The following STARD9 variants were observed in gnomAD, a reference collection of about 807,000 sequenced individuals.
STARD9 encodes stAR-related lipid transfer protein 9.
In STARD9, 346 loss-of-function variants were observed where a neutral mutation model predicts 399.8. The observed-to-expected ratio is 0.87, with a 90% CI of 0.79 to 0.95. The LOEUF is 0.95. Among genes scored for constraint, STARD9 ranks in the 40% least tolerant of loss-of-function variants. STARD9 has a pLI of 0.00. For missense variants in STARD9, 5,832 were observed against 5,667.5 expected (o/e 1.03, Z -0.93); for synonymous variants, 2,203 against 2,143.5 (o/e 1.03, Z -0.77).
chr15:42,688,754 C>T lies in STARD9; in HGVS notation c.7176C>T (p.Pro2392=), dbSNP rs534425172. The T allele has an allele frequency of 1.0e-5, 16 of 1,537,626 alleles. No individual in the cohort carries two copies. Among genetic ancestry groups the T allele is most frequent in the Admixed American group, 5.9e-5 (3 of 50,994 alleles). The part of the protein sequence containing the change: ...DQSTETRSHS[P]EGNVRGRSSE... ...GTACGGAGACCAGAAGCCACAGCCC[C>T]GAAGGAAATGTTAGAGGGCGTTCCT... The change falls in exon 23 of 33, where the codon CCC becomes CCT. Residue 2392 remains proline, a synonymous_variant. Transcript: ENST00000290607.
In STARD9 at chr15:42,688,841, A is replaced by G. The variant is rs1283084753; in HGVS notation, c.7263A>G (p.Gln2421=). The G allele has an allele frequency of 2.0e-6, 3 of 1,537,298 alleles. No homozygotes were observed. The highest frequency in any genetic ancestry group is 1.4e-5 in the African/African-American group (1 of 73,136). The part of the protein sequence containing the change: ...VRSMAMGSHS[Q]SGVPESIPLG... ...CCATGGCCATGGGATCTCATAGTCA[A>G]TCTGGTGTACCAGAGAGCATTCCTC... Residue 2421 remains glutamine, a synonymous_variant, in exon 23 of 33, where the codon CAA becomes CAG. Transcript: ENST00000290607.
Position 42,686,176 on chromosome 15 carries a change from C to A in STARD9, c.4598C>A (p.Pro1533Gln), listed in dbSNP as rs2060551554. Reference sequence around the variant, plus strand: ...AGCAAAGGAGGAGATACTCTATTGCCAGTTGGCCCTAGGGTATCTAGCAAT... The same window carrying A: ...AGCAAAGGAGGAGATACTCTATTGCAAGTTGGCCCTAGGGTATCTAGCAAT... The part of the protein sequence containing the change: ...ASSKGGDTLL[P>Q]VGPRVSSNLN... Residue 1533 changes from proline (P) to glutamine (Q), a missense_variant, in exon 23 of 33, where the codon CCA becomes CAA. Coordinates refer to ENST00000290607, the MANE Select transcript of STARD9 (RefSeq NM_020759.3). 1.3e-6 allele frequency: 2 copies of A among 1,537,300 alleles called. No homozygotes were observed.
chr15:42,575,831 C>T, intron 1 of STARD9, 69 bp downstream of exon 1: 1 of 1,467,006 alleles, frequency 6.8e-7, no homozygotes, highest in Non-Finnish European at 9.2e-7. Context: ...TCCGCGTCTC[C>T]CCCTGCAGAG....
At chr15:42,581,634 G>C in intron 1 of STARD9, 1 of 627,580 alleles carries the variant, frequency 1.6e-6, no homozygotes, top group Non-Finnish European at 2.8e-6. Flanking sequence ...CTCCGCCCCT[G>C]CCGCCAGCCG....
chr15:42,655,126 G>GA (rs1264019758), intron 9 of STARD9, among the ~76,000 whole-genome samples: 1 of 151,956 alleles, frequency 6.6e-6, no homozygotes, highest in Non-Finnish European at 1.5e-5. Flanking sequence ...ACTAAAAATA[G>GA]AAAAAATTAG....
chr15:42,684,723 G>T lies in STARD9; in HGVS notation c.3145G>T (p.Ala1049Ser), dbSNP rs1365988040. 1 of 1,537,214 alleles carries T rather than the reference G, an allele frequency of 6.5e-7. No homozygotes were observed. The change falls in exon 23 of 33, where the codon GCA (alanine) becomes TCA (serine). Residue 1049 changes from alanine to serine, a missense_variant. Transcript: ENST00000290607. ...RASKRHQRVL[A>S]TRVRNITKKS... ...ATCAAAAAGGCATCAGAGGGTTCTG[G>T]CAACTAGGGTCAGAAATATTACCAA...
rs1566914009 is a variant in STARD9 at position 42,663,395 on chromosome 15, C to G, written c.983C>G (p.Ser328Cys). 2 of 1,537,296 alleles carry G rather than the reference C, an allele frequency of 1.3e-6. No homozygotes were observed. The highest frequency in any genetic ancestry group is 1.7e-6 in the Non-Finnish European group (2 of 1,146,910). ...GGGACCAGCAGTGGAGGGGCACCCT[C>G]CCGAAGGCAGTCTTATATCCCATAC... ...PSGTSSGGAPSRRQSYIPYRD... is the reference protein window; with the variant it reads ...PSGTSSGGAPCRRQSYIPYRD... Residue 328 changes from serine to cysteine, a missense_variant, in exon 12 of 33, where the codon TCC (serine) becomes TGC (cysteine). Coordinates refer to ENST00000290607, the MANE Select transcript of STARD9 (RefSeq NM_020759.3).
At chr15:42,578,331 A>G (rs1257649813) in intron 1 of STARD9, among the ~76,000 whole-genome samples, 1 of 151,966 alleles carries the variant, frequency 6.6e-6, no homozygotes, top group African/African-American at 2.4e-5. Flanking sequence ...GGCTGGTCTC[A>G]AACTCCTGAC....
chr15:42,626,366 T>TTCTTCCTCTTCCTCC (rs1555393272), intron 3 of STARD9, among the ~76,000 whole-genome samples: 5 of 144,216 alleles, frequency 3.5e-5, no homozygotes, highest in Non-Finnish European at 6.0e-5. Context: ...CCTCTTCCTC[T>TTCTTCCTCTTCCTCC]TCTTCCTCCT....
At position 42,588,791 on chromosome 15, in the gene STARD9, T is replaced by G. The variant is rs1311046670; in HGVS notation, c.234+3154T>G. Among the ~76,000 whole-genome samples the G allele has an allele frequency of 4.9e-3, 109 of 22,344 alleles. No homozygotes were observed. In the South Asian group the frequency reaches 0.11, roughly 22 times the overall value. The allele number at this position is 22,344 out of a possible 152,430, so 14.7% of individuals were successfully genotyped here. On this transcript the variant is annotated intron_variant, in intron 3 of 32. Coordinates refer to ENST00000290607, the MANE Select transcript of STARD9 (RefSeq NM_020759.3). ...TCTTCACAGCGTTTTTTTTTTTTTT[T>G]TTTTTTTTTTTTTTTTTTTTTTTTG...
chr15:42,695,389 G>A (rs2060821163), intron 25 of STARD9, 66 bp downstream of exon 25: 30 of 1,396,276 alleles, frequency 2.1e-5, no homozygotes, highest in Non-Finnish European at 2.6e-5. Flanking sequence ...CACCTTCACC[G>A]TGGCCGCCTC....
At position 42,624,319 on chromosome 15, in the gene STARD9, A is replaced by G. The variant is rs189285257; in HGVS notation, c.235-10537A>G. On this transcript the variant is annotated intron_variant, in intron 3 of 32. Coordinates refer to ENST00000290607, the MANE Select transcript of STARD9 (RefSeq NM_020759.3). ...TTAAGTTGTCTAAGCATAAACAGAA[A>G]AACACTATTTATGTCTATAATATAA... Among the ~76,000 whole-genome samples the G allele has an allele frequency of 7.4e-3, 1,120 of 152,240 alleles. 14 individuals are homozygous for G. Among genetic ancestry groups the G allele is most frequent in the African/African-American group, 0.026 (1,061 of 41,514 alleles).
rs1329135870 is a variant in STARD9, at chr15:42,691,272, C to T, written c.9694C>T (p.Pro3232Ser). The stretch of plus-strand genomic sequence containing the variant: ...AGAAGGCTTCGCCCAGGGTGTGAAT[C>T]CCCTTCCTGATGAAGATGGCTTAGA... Reference protein sequence around the residue: ...GGEGFAQGVNPLPDEDGLDGC... With the variant: ...GGEGFAQGVNSLPDEDGLDGC... The change falls in exon 23 of 33, where the codon CCC becomes TCC. Residue 3232 changes from proline to serine, a missense_variant. Physicochemically the swap from Pro to Ser is moderately conservative, Grantham distance 74. Coordinates refer to ENST00000290607, the MANE Select transcript of STARD9 (RefSeq NM_020759.3). 1 of 1,537,100 alleles carries T rather than the reference C, an allele frequency of 6.5e-7. No individual in the cohort carries two copies. The highest frequency in any genetic ancestry group is 2.4e-5 in the East Asian group (1 of 40,938).
intron 9 of STARD9, among the ~76,000 whole-genome samples, chr15:42,657,250 C>T: frequency 6.6e-6 from 1 of 151,614 alleles, no homozygotes; most frequent in East Asian, 1.9e-4. Flanking sequence ...GTCCCAGCTA[C>T]TCAGAAGGCT....
chr15:42,665,006 A>C (rs2060066084), intron 13 of STARD9, among the ~76,000 whole-genome samples: 1 of 152,126 alleles, frequency 6.6e-6, no homozygotes, highest in African/African-American at 2.4e-5. Context: ...GTTTGTTAGA[A>C]TGCTGCTGGG....
intron 3 of STARD9, among the ~76,000 whole-genome samples, chr15:42,607,088 C>T (rs1368458843): frequency 6.6e-6 from 1 of 151,280 alleles, no homozygotes; most frequent in East Asian, 1.9e-4. Flanking sequence ...GCTGGGACTA[C>T]AGGCATGTGC....
intron 3 of STARD9, among the ~76,000 whole-genome samples, chr15:42,619,937 C>G (rs898903615): frequency 6.6e-6 from 1 of 152,160 alleles, no homozygotes; most frequent in Non-Finnish European, 1.5e-5. Flanking sequence ...AAACGAGAGG[C>G]CTTTATTCAG....
Position 42,695,307 on chromosome 15 carries a change from T to C in STARD9, c.13130T>C (p.Ile4377Thr). 2 of 1,534,430 alleles carry C rather than the reference T, an allele frequency of 1.3e-6. No homozygotes were observed. Among genetic ancestry groups the C allele is most frequent in the Non-Finnish European group, 1.7e-6 (2 of 1,145,024 alleles). The part of the protein sequence containing the change: ...QEKLRIHQKI[I>T]SQLLKEEDKL... ...AAGCTGAGAATCCACCAGAAGATCA[T>C]TTCCCAGCTATTGAAGGTGTGGAGT... The change falls in exon 25 of 33, where the codon ATT becomes ACT. Residue 4377 changes from isoleucine to threonine, a missense_variant. Transcript: ENST00000290607.
intron 28 of STARD9, 53 bp downstream of exon 28, chr15:42,717,101 G>A: frequency 6.5e-7 from 1 of 1,528,494 alleles, no homozygotes; most frequent in Non-Finnish European, 8.8e-7. Flanking sequence ...GACCTCTGCT[G>A]GGTGTGCAGG....
Sources: allele counts gnomAD v4.1 joint callset (sites outside exome capture counted in the v4.1 genomes callset), GRCh38; gene constraint gnomAD v4.1.1; transcripts MANE v1.5; gene names NCBI Gene and HGNC (gene_info 2026-07-23, HGNC 2026-07-21).